Variants in TNFSF4 observed in about 807,000 individuals in gnomAD.
TNFSF4 encodes tumor necrosis factor ligand superfamily member 4.
In TNFSF4, 4 loss-of-function variants were observed where a neutral mutation model predicts 7.3. The ratio of observed to expected loss-of-function variants is 0.55; its 90% confidence interval spans 0.27 to 1.25. The LOEUF is 1.25. TNFSF4 is among the 50% of genes most tolerant of loss of function. The pLI is 0.12. For synonymous variants in TNFSF4, 76 were observed against 83.7 expected, an observed-to-expected ratio of 0.91 and a Z score of 0.50; for missense variants, 181 against 208.8, an observed-to-expected ratio of 0.87 and a Z score of 0.82.
the TNFSF4 span, among the ~76,000 whole-genome samples, chr1:173,318,211 G>C: frequency 8.5e-5 from 13 of 152,106 alleles, no homozygotes; most frequent in African/African-American, 2.7e-4. Context: ...GAGGCCAAGG[G>C]GGGTGGATCA....
chr1:173,350,472 T>C, the TNFSF4 span, among the ~76,000 whole-genome samples: 1 of 152,212 alleles, frequency 6.6e-6, no homozygotes, highest in Non-Finnish European at 1.5e-5. Context: ...ACATTCTCTA[T>C]GTTTAAACTA....
At chr1:173,359,452 TAAA>T in the TNFSF4 span, among the ~76,000 whole-genome samples, 2 of 48,838 alleles carry the variant, frequency 4.1e-5, no homozygotes, top group Non-Finnish European at 9.3e-5. Flanking sequence ...GTTTTATATT[TAAA>T]AAAAAAAAAA....
chr1:173,272,170 G>A, the TNFSF4 span, among the ~76,000 whole-genome samples: 7,724 of 152,106 alleles, frequency 0.051, 241 homozygotes, highest in East Asian at 0.13. Context: ...ACACAGGGTG[G>A]GGAACATCAC....
At chr1:173,332,025 G>A in the TNFSF4 span, among the ~76,000 whole-genome samples, 8 of 152,134 alleles carry the variant, frequency 5.3e-5, no homozygotes, top group Non-Finnish European at 1.2e-4. Context: ...GTACAGGACA[G>A]CTTCTTACAA....
chr1:173,440,833 T>G, the TNFSF4 span: 2 of 152,314 alleles, frequency 1.3e-5, no homozygotes, highest in East Asian at 3.9e-4. Flanking sequence ...TAAAAATAAT[T>G]AATGCAATCT....
chr1:173,325,655 T>A, the TNFSF4 span, among the ~76,000 whole-genome samples: 1 of 147,984 alleles, frequency 6.8e-6, no homozygotes, highest in South Asian at 2.1e-4. Context: ...AAGAATCAAA[T>A]AGACGCAATA....
the TNFSF4 span, among the ~76,000 whole-genome samples, chr1:173,346,737 T>C: frequency 0.21 from 31,330 of 152,022 alleles, 3,514 homozygotes; most frequent in Middle Eastern, 0.27. Flanking sequence ...CTTGGGGAAA[T>C]GTAATATAAT....
the TNFSF4 span, among the ~76,000 whole-genome samples, chr1:173,233,782 A>T: frequency 6.6e-6 from 1 of 152,184 alleles, no homozygotes; most frequent in African/African-American, 2.4e-5. Flanking sequence ...CTTACACCTT[A>T]TAAAAAAATT....
At chr1:173,211,661 C>G (rs1399307463), upstream of TNFSF4, among the ~76,000 whole-genome samples, 3 of 152,152 alleles carry the variant, frequency 2.0e-5, no homozygotes, top group African/African-American at 4.8e-5. Context: ...CTATCAAAAC[C>G]CTACACGTTA....
chr1:173,313,656 C>T, the TNFSF4 span, among the ~76,000 whole-genome samples: 1 of 152,022 alleles, frequency 6.6e-6, no homozygotes, highest in Non-Finnish European at 1.5e-5. Context: ...TTTCGATAAC[C>T]TCTCTGAGGA....
At chr1:173,332,770 A>G in the TNFSF4 span, among the ~76,000 whole-genome samples, 1 of 150,384 alleles carries the variant, frequency 6.6e-6, no homozygotes, top group Non-Finnish European at 1.5e-5. Context: ...CAGGAGAATC[A>G]CTTGAACCCG....
chr1:173,218,356 T>TC, the TNFSF4 span, among the ~76,000 whole-genome samples: 1 of 152,132 alleles, frequency 6.6e-6, no homozygotes, highest in Non-Finnish European at 1.5e-5. Flanking sequence ...TTAGGTCCCC[T>TC]CCACGGGTAC....
At chr1:173,249,131 C>CCAGA in the TNFSF4 span, among the ~76,000 whole-genome samples, 1 of 152,148 alleles carries the variant, frequency 6.6e-6, no homozygotes, top group Middle Eastern at 3.4e-3. Flanking sequence ...AGGGAGAAGA[C>CCAGA]CAGAGTTAAG....
chr1:173,289,984 A>G, the TNFSF4 span, among the ~76,000 whole-genome samples: 2 of 151,920 alleles, frequency 1.3e-5, no homozygotes, highest in Non-Finnish European at 2.9e-5. Context: ...ATGGTTCAAC[A>G]TTTTCCAAGG....
the TNFSF4 span, among the ~76,000 whole-genome samples, chr1:173,224,251 C>T: frequency 6.6e-6 from 1 of 152,160 alleles, no homozygotes; most frequent in African/African-American, 2.4e-5. Flanking sequence ...GATGTACGCT[C>T]AGGAATAAAG....
the TNFSF4 span, among the ~76,000 whole-genome samples, chr1:173,318,300 C>T: frequency 5.4e-4 from 76 of 141,806 alleles, no homozygotes; most frequent in African/African-American, 7.4e-4. Flanking sequence ...GTTAGCCGGA[C>T]GTGGTGGCAG....
chr1:173,280,890 A>AT, the TNFSF4 span, among the ~76,000 whole-genome samples: 2 of 152,108 alleles, frequency 1.3e-5, no homozygotes, highest in Non-Finnish European at 2.9e-5. Context: ...TTGTACATGG[A>AT]TTTTATTATT....
the TNFSF4 span, among the ~76,000 whole-genome samples, chr1:173,431,822 A>T: frequency 1.3e-5 from 2 of 152,200 alleles, no homozygotes; most frequent in African/African-American, 2.4e-5. Flanking sequence ...CCTTGGTGAC[A>T]GGTCATGTGC....
the TNFSF4 span, among the ~76,000 whole-genome samples, chr1:173,280,664 C>A: frequency 2.6e-5 from 4 of 152,100 alleles, no homozygotes; most frequent in Admixed American, 6.6e-5. Context: ...ACTATGGAAG[C>A]TTGTCTGCTT....
Sources: gnomAD v4.1 joint callset for allele counts (sites outside exome capture counted in the v4.1 genomes callset) on GRCh38, gnomAD v4.1.1 for gene constraint, MANE v1.5 for transcripts, NCBI Gene and HGNC (gene_info 2026-07-23, HGNC 2026-07-21) for gene names.